The following HR variants were observed in gnomAD, a reference collection of about 807,000 sequenced individuals.
HR encodes HR lysine demethylase and nuclear receptor corepressor, also known as lysine-specific demethylase hairless.
Under a neutral mutation model 128.6 loss-of-function variants are expected in HR, and 83 were observed. The observed-to-expected ratio is 0.65, with a 90% confidence interval of 0.54 to 0.77. The LOEUF (loss-of-function observed/expected upper bound fraction) is 0.77. Ranked by LOEUF, HR falls within the 30% of genes least tolerant of loss-of-function variation. The pLI, the probability that HR is intolerant of heterozygous loss-of-function variation, is 0.00. For missense variants in HR, 1,490 were observed against 1,574.6 expected (o/e 0.95, Z 0.91); for synonymous variants, 681 against 658.2 (o/e 1.03, Z -0.53).
rs1481263479 is a variant in HR at position 22,116,243 on chromosome 8, C to T, written c.3507+57G>A. ...TGCTATGTCCACTGCAGCTGTGGCA[C>T]AGGGAGGTGGGAGGCTTGGGTAGCA... On this transcript the variant is annotated intron_variant, in intron 18 of 18. Transcript: ENST00000381418. This position sits in a 1 kb window ranked among gnomAD's most constrained non-coding sequence, Gnocchi z 4.2. 7 of 1,610,296 alleles carry T rather than the reference C, an allele frequency of 4.3e-6. No individual in the cohort carries two copies. The highest frequency in any genetic ancestry group is 1.3e-5 in the African/African-American group (1 of 74,782).
intron 2 of HR, chr8:22,128,231 A>G: frequency 1.9e-6 from 1 of 519,972 alleles, no homozygotes; most frequent in South Asian, 2.1e-5. Context: ...TCCCAGTCTC[A>G]GATAGAGGGC....
intron 6 of HR, 32 bp downstream of exon 6, chr8:22,123,617 T>TGGGC: frequency 2.1e-5 from 6 of 292,090 alleles, no homozygotes; most frequent in Non-Finnish European, 3.7e-5. Context: ...GAGGGCTCCA[T>TGGGC]CCCGCCCTCC....
In HR at chr8:22,115,607, A is replaced by T. The variant is rs1826565262; in HGVS notation, c.*93T>A. 2.6e-5 allele frequency: 29 copies of T among 1,097,944 alleles called. No homozygotes were observed. In the South Asian group the frequency reaches 3.6e-4, roughly 13 times the overall value. The allele number at this position is 1,097,944 out of a possible 1,614,324, so 68.0% of individuals were successfully genotyped here. On this transcript the variant is annotated 3_prime_UTR_variant, in exon 19 of 19. Transcript: ENST00000381418. ...CTTGTGGGGTTGACCAGAAATCCCC[A>T]AGTCCCCTAGCGCCATCCCCTGCTG...
intron 16 of HR, chr8:22,117,859 A>T (rs1826631113): frequency 1.3e-5 from 2 of 152,322 alleles, no homozygotes; most frequent in Admixed American, 1.3e-4. Flanking sequence ...TGGTGAAGCA[A>T]ATTGGACCCT....
At chr8:22,125,851 C>G (rs1826876222) in intron 3 of HR, 119 bp from the exon 4 acceptor site, 3 of 1,169,234 alleles carry the variant, frequency 2.6e-6, no homozygotes, top group Admixed American at 2.1e-5. Flanking sequence ...CGCCCCAGGT[C>G]TCTGAAGCCT....
rs371627120 is a variant in HR at position 22,124,769 on chromosome 8, G to C, written c.1750+542C>G. 4.0e-4 allele frequency among the ~76,000 whole-genome samples: 61 copies of C among 152,326 alleles called. No homozygotes were observed. In the South Asian group the frequency reaches 0.013, roughly 32 times the overall value. On this transcript the variant is annotated intron_variant, in intron 5 of 18. Coordinates refer to ENST00000381418, the MANE Select transcript of HR (RefSeq NM_005144.5). ...GTGCCAAGGCCCGAGGGGATGACAA[G>C]CTCCAGGGAGCCGGGAAGGGAAGGA...
intron 5 of HR, 120 bp from the exon 6 acceptor site, chr8:22,123,933 G>GC (rs1054359128): frequency 3.0e-5 from 35 of 1,183,842 alleles, no homozygotes; most frequent in African/African-American, 6.1e-5. Context: ...CATGGAGAGG[G>GC]CCCCCCCAGG....
Position 22,116,809 on chromosome 8 carries a change from C to A in HR, c.3378+66G>T, listed in dbSNP as rs1221745442. 54 of 1,527,118 alleles carry A rather than the reference C, an allele frequency of 3.5e-5. No individual in the cohort carries two copies. Among genetic ancestry groups the A allele is most frequent in the Non-Finnish European group, 4.4e-5 (50 of 1,136,002 alleles). 94.6% of individuals were successfully genotyped at this position (1,527,118 alleles called of 1,614,324 possible). On this transcript the variant is annotated intron_variant, in intron 17 of 18. Coordinates refer to ENST00000381418, the MANE Select transcript of HR (RefSeq NM_005144.5). This position sits in a 1 kb window ranked among gnomAD's most constrained non-coding sequence, Gnocchi z 4.2. ...GTATTGAGGGGATGTTGGATGCCTG[C>A]GGCCTTGATTGGGTCGCTTCTGCCA...
At chr8:22,126,930 A>T in intron 3 of HR, 107 bp downstream of exon 3, 2 of 1,138,658 alleles carry the variant, frequency 1.8e-6, no homozygotes, top group Non-Finnish European at 2.5e-6. Context: ...GAGCCTGACC[A>T]CTGGTTGTGG....
In HR at chr8:22,127,947, T is replaced by G. The variant is rs1026723684; in HGVS notation, c.613-118A>C. The G allele has an allele frequency of 3.7e-5, 38 of 1,035,300 alleles. No individual in the cohort carries two copies. The Admixed American group carries it at 6.9e-4, about 19-fold the overall frequency. 64.1% of individuals were successfully genotyped at this position (1,035,300 alleles called of 1,614,324 possible). On this transcript the variant is annotated intron_variant, in intron 2 of 18. Coordinates refer to ENST00000381418, the MANE Select transcript of HR (RefSeq NM_005144.5). ...AATACTGAAGCCCTCACATTCTGAT[T>G]AATAAACAGCACTGCCCTAGGTCTC...
In HR at chr8:22,125,747, C is replaced by T. The variant is rs778162858; in HGVS notation, c.1406-15G>A. On this transcript the variant is annotated splice_polypyrimidine_tract_variant and intron_variant, in intron 3 of 18. Transcript: ENST00000381418. The stretch of plus-strand genomic sequence containing the variant: ...ATCTTGGGGTCCTGAGGGGACAATG[C>T]AGAGGTCAGGAATCTGGGTTTCTTG... The T allele has an allele frequency of 3.1e-6, 5 of 1,613,246 alleles. No individual in the cohort carries two copies. Among genetic ancestry groups the T allele is most frequent in the East Asian group, 4.5e-5 (2 of 44,860 alleles).
At position 22,116,981 on chromosome 8, in the gene HR, T is replaced by C. The variant is rs754643440; in HGVS notation, c.3272A>G (p.Asp1091Gly). The stretch of plus-strand genomic sequence containing the variant: ...CCGCAGGCGCCGCCGCAGCCCTGCA[T>C]CCAGGTAGCAGCTGCCTGGGGCGCC... Reference protein sequence around the residue: ...EPGAPGSCYLDAGLRRRLREE... With the variant: ...EPGAPGSCYLGAGLRRRLREE... The change falls in exon 17 of 19, where the codon GAT becomes GGT. Residue 1091 changes from aspartate to glycine, a missense_variant. Physicochemically the swap from Asp to Gly is moderately conservative, Grantham distance 94 (BLOSUM62 -1). Around this residue, in one of 3 missense-constraint regions of HR, gnomAD observed 423 missense variants for 495.9 expected, o/e 0.85. Transcript: ENST00000381418. This position sits in a 1 kb window ranked among gnomAD's most constrained non-coding sequence, Gnocchi z 4.2. 1 of 1,533,842 alleles carries C rather than the reference T, an allele frequency of 6.5e-7. No individual in the cohort carries two copies. Among genetic ancestry groups the C allele is most frequent in the African/African-American group, 1.4e-5 (1 of 73,142 alleles).
rs199785656 is a variant in HR at position 22,127,579 on chromosome 8, T to C, written c.863A>G (p.His288Arg). The change falls in exon 3 of 19, where the codon CAT (histidine) becomes CGT (arginine). Residue 288 changes from histidine to arginine, a missense_variant. His to Arg is a conservative substitution (Grantham distance 29). Transcript: ENST00000381418. ...CCCAGCCCAGACGTTGCCAAGAGTA[T>C]GAACAAGGCCTGGGGGACAAGCGGG... is the stretch of plus-strand genomic sequence containing the variant. ...SWPACPPGLV[H>R]TLGNVWAGPG... is the part of the protein sequence containing the mutation. 6.2e-7 allele frequency: 1 copy of C among 1,612,672 alleles called. No homozygotes were observed. The highest frequency in any genetic ancestry group is 2.2e-5 in the East Asian group (1 of 44,850).
chr8:22,116,941 C>T lies in HR; in HGVS notation c.3312G>A (p.Val1104=). The change falls in exon 17 of 19, where the codon GTG becomes GTA. Residue 1104 remains valine, a synonymous_variant. Coordinates refer to ENST00000381418, the MANE Select transcript of HR (RefSeq NM_005144.5). The surrounding 1 kb of genome is among the most constrained non-coding windows in gnomAD (Gnocchi z 4.2). ...LRRRLREEWG[V]SCWTLLQAPG... is the part of the protein sequence containing the mutation. ...GGGCCTGGAGCAGGGTCCAGCAGCT[C>T]ACGCCCCACTCCTCCCGCAGGCGCC... 1.3e-6 allele frequency: 2 copies of T among 1,546,772 alleles called. No individual in the cohort carries two copies. Among genetic ancestry groups the T allele is most frequent in the Non-Finnish European group, 1.7e-6 (2 of 1,151,706 alleles).
chr8:22,123,645 C>CCCCCCCCCCCCCTT lies in HR; in HGVS notation c.1915+3_1915+4insAAGGGGGGGGGGGG. ...CGCCCTCCCACCCCCAGCCCCTCTC[C>CCCCCCCCCCCCCTT]TACCTGCTTTCTCCCTGGCCCGCCC... is the stretch of plus-strand genomic sequence containing the variant. On this transcript the variant is annotated splice_donor_region_variant and intron_variant, in intron 6 of 18. Transcript: ENST00000381418. 2 of 1,528,782 alleles carry CCCCCCCCCCCCCTT rather than the reference C, an allele frequency of 1.3e-6. No homozygotes were observed. Among genetic ancestry groups the CCCCCCCCCCCCCTT allele is most frequent in the South Asian group, 1.2e-5 (1 of 83,736 alleles). 94.7% of individuals were successfully genotyped at this position (1,528,782 alleles called of 1,614,324 possible).
Position 22,121,088 on chromosome 8 carries a change from G to A in HR, c.2344C>T (p.Pro782Ser), listed in dbSNP as rs781478489. ...ACACTGGGCAGGGCCGGAGTGACGG[G>A]GGCGAAGGCCATGTGTATTCGCTCA... ...GHERIHMAFA[P>S]VTPALPSDDR... The change falls in exon 10 of 19, where the codon CCC becomes TCC. Residue 782 changes from proline to serine, a missense_variant. Physicochemically the swap from Pro to Ser is moderately conservative, Grantham distance 74 (BLOSUM62 -1). Around this residue, in one of 3 missense-constraint regions of HR, gnomAD observed 1,060 missense variants for 1,060.9 expected, o/e 1.00. Transcript: ENST00000381418. 1.2e-6 allele frequency: 2 copies of A among 1,613,660 alleles called. No individual in the cohort carries two copies. Among genetic ancestry groups the A allele is most frequent in the Non-Finnish European group, 1.7e-6 (2 of 1,180,056 alleles).
chr8:22,121,117 C>T lies in HR; in HGVS notation c.2315G>A (p.Gly772Asp), dbSNP rs1200720366. ...GAAGGCCATGTGTATTCGCTCATGGCCCAAGCAGAGTTTGACCGCGGTAGA... is the reference window on the plus strand; with the variant it reads ...GAAGGCCATGTGTATTCGCTCATGGTCCAAGCAGAGTTTGACCGCGGTAGA... ...LASTAVKLCL[G>D]HERIHMAFAP... is the part of the protein sequence containing the mutation. Residue 772 changes from glycine (G) to aspartate (D), a missense_variant, in exon 10 of 19, where the codon GGC (glycine) becomes GAC (aspartate). Physicochemically the swap from Gly to Asp is moderately conservative, Grantham distance 94. Transcript: ENST00000381418. 9.9e-6 allele frequency: 16 copies of T among 1,613,756 alleles called. No homozygotes were observed. The Admixed American group carries it at 2.5e-4, about 25-fold the overall frequency.
Position 22,122,816 on chromosome 8 carries a change from A to G in HR, c.1979T>C (p.Met660Thr), listed in dbSNP as rs1433796448. ...CTGGCTGGAGACAAACTGGGTCAGC[A>G]TCAGGGAACAGGCAGCGTGCCCGGC... The part of the protein sequence containing the change: ...QEAGHAACSL[M>T]LTQFVSSQAL... Residue 660 changes from methionine to threonine, a missense_variant, in exon 7 of 19, where the codon ATG (methionine) becomes ACG (threonine). Transcript: ENST00000381418. 2 of 1,555,548 alleles carry G rather than the reference A, an allele frequency of 1.3e-6. No homozygotes were observed. The highest frequency in any genetic ancestry group is 1.7e-6 in the Non-Finnish European group (2 of 1,149,666).
At position 22,116,508 on chromosome 8, in the gene HR, C is replaced by T. The variant is rs1360075921; in HGVS notation, c.3379-80G>A. 4 of 1,551,902 alleles carry T rather than the reference C, an allele frequency of 2.6e-6. No homozygotes were observed. The highest frequency in any genetic ancestry group is 1.4e-5 in the African/African-American group (1 of 73,180). On this transcript the variant is annotated intron_variant, in intron 17 of 18. Transcript: ENST00000381418. This position sits in a 1 kb window ranked among gnomAD's most constrained non-coding sequence, Gnocchi z 4.2. ...CCCCCTGGTCCCTGAGGTTCGCTTC[C>T]TCTAATGACAACCACCCCCGACCCC...
Sources: allele counts gnomAD v4.1 joint callset (sites outside exome capture counted in the v4.1 genomes callset), GRCh38; gene constraint gnomAD v4.1.1; regional missense constraint gnomAD v4.1.1; non-coding constraint Gnocchi (gnomAD v3.1); transcripts MANE v1.5; gene names NCBI Gene and HGNC (gene_info 2026-07-23, HGNC 2026-07-21).